Variants in AOPEP observed in about 807,000 individuals in gnomAD.
AOPEP encodes aminopeptidase O (putative).
Under a neutral mutation model 98.1 loss-of-function variants are expected in AOPEP, and 77 were observed. The ratio of observed to expected loss-of-function variants is 0.78; its 90% CI spans 0.65 to 0.95. The LOEUF is 0.95. AOPEP is among the 40% of genes least tolerant of loss of function. The pLI, the probability that AOPEP is intolerant of heterozygous loss-of-function variation, is 0.00. For missense variants in AOPEP, 1,024 were observed against 1,024.7 expected, an observed-to-expected ratio of 1.00 and a Z score of 0.01; for synonymous variants, 346 against 365.3, an observed-to-expected ratio of 0.95 and a Z score of 0.60.
intron 5 of AOPEP, among the ~76,000 whole-genome samples, chr9:94,861,216 G>C (rs1214049550): frequency 6.6e-6 from 1 of 152,210 alleles, no homozygotes; most frequent in Non-Finnish European, 1.5e-5. Context: ...TGACGAAGGG[G>C]AAGGATGTGG....
At chr9:95,132,895 GCATAGTCC>G in the AOPEP span, among the ~76,000 whole-genome samples, 4 of 152,142 alleles carry the variant, frequency 2.6e-5, no homozygotes, top group Non-Finnish European at 5.9e-5. Flanking sequence ...GACTCATTCT[GCATAGTCC>G]CAAGAGAGAG....
intron 13 of AOPEP, among the ~76,000 whole-genome samples, chr9:95,024,853 C>A (rs2063719470): frequency 6.6e-6 from 1 of 152,292 alleles, no homozygotes; most frequent in Middle Eastern, 3.4e-3. Flanking sequence ...TAATTCCAAC[C>A]ATTTCTATCA....
the AOPEP span, chr9:95,107,275 C>G: frequency 1.2e-6 from 2 of 1,612,768 alleles, no homozygotes; most frequent in South Asian, 2.2e-5. Context: ...TGGACCTGGG[C>G]AATAGTATTT....
At chr9:94,884,455 G>C (rs2047948475) in intron 5 of AOPEP, among the ~76,000 whole-genome samples, 1 of 152,114 alleles carries the variant, frequency 6.6e-6, no homozygotes, top group South Asian at 2.1e-4. Flanking sequence ...AGGCTAACTT[G>C]GCATAATCAC....
At chr9:94,846,365 C>T (rs1478449273) in intron 5 of AOPEP, among the ~76,000 whole-genome samples, 1 of 151,976 alleles carries the variant, frequency 6.6e-6, no homozygotes, top group Non-Finnish European at 1.5e-5. Flanking sequence ...CAGTGGGGGT[C>T]ACTGGTGACC....
chr9:95,127,782 T>TCGCGGCCTCCC, the AOPEP span, among the ~76,000 whole-genome samples: 1 of 152,222 alleles, frequency 6.6e-6, no homozygotes, highest in East Asian at 1.9e-4. Context: ...CCGCGCCTCC[T>TCGCGGCCTCCC]CGCGGCCTCC....
At chr9:95,142,997 C>T in the AOPEP span, among the ~76,000 whole-genome samples, 1 of 152,174 alleles carries the variant, frequency 6.6e-6, no homozygotes, top group Admixed American at 6.5e-5. Flanking sequence ...CAAGACTGCC[C>T]CCACTTCAGA....
chr9:95,046,421 T>G (rs901500070), intron 13 of AOPEP, among the ~76,000 whole-genome samples: 2 of 152,262 alleles, frequency 1.3e-5, no homozygotes, highest in African/African-American at 2.4e-5. Context: ...TTTGTAAAAC[T>G]TCTTTATTTC....
the AOPEP span, among the ~76,000 whole-genome samples, chr9:95,104,969 G>A: frequency 1.3e-5 from 2 of 152,232 alleles, no homozygotes; most frequent in South Asian, 2.1e-4. Context: ...GGCTTATTTC[G>A]CTCAGTGTAA....
intron 5 of AOPEP, chr9:94,824,172 CG>C (rs1389895036): frequency 6.6e-6 from 1 of 152,156 alleles, no homozygotes; most frequent in Non-Finnish European, 1.5e-5. Context: ...TCTCACAACA[CG>C]TTTTTTAGGA....
intron 10 of AOPEP, among the ~76,000 whole-genome samples, chr9:94,971,524 AC>A (rs1459036596): frequency 6.6e-6 from 1 of 151,818 alleles, no homozygotes; most frequent in Non-Finnish European, 1.5e-5. Flanking sequence ...CCCCACACCT[AC>A]CCCCCGGAGC....
chr9:94,794,051 T>A (rs2133520850), intron 4 of AOPEP, among the ~76,000 whole-genome samples: 1 of 152,354 alleles, frequency 6.6e-6, no homozygotes, highest in East Asian at 1.9e-4. Flanking sequence ...TGCAAAGCCC[T>A]TGGGTTAAGG....
intron 5 of AOPEP, among the ~76,000 whole-genome samples, chr9:94,884,326 A>T (rs963103569): frequency 1.3e-5 from 2 of 152,226 alleles, no homozygotes; most frequent in African/African-American, 4.8e-5. Context: ...CAAGATAGCT[A>T]TTCTACCAGC....
At chr9:94,966,464 C>T (rs1366200868) in intron 9 of AOPEP, among the ~76,000 whole-genome samples, 1 of 152,212 alleles carries the variant, frequency 6.6e-6, no homozygotes, top group African/African-American at 2.4e-5. Flanking sequence ...TGGAGTGACT[C>T]TTGTCTGTCA....
intron 7 of AOPEP, among the ~76,000 whole-genome samples, chr9:94,950,213 G>A (rs1024913125): frequency 4.6e-5 from 7 of 152,124 alleles, no homozygotes; most frequent in African/African-American, 1.7e-4. Flanking sequence ...TAATGTCTTT[G>A]CCTGTCAGAG....
the AOPEP span, among the ~76,000 whole-genome samples, chr9:95,108,311 C>T: frequency 6.6e-6 from 1 of 152,358 alleles, no homozygotes; most frequent in Admixed American, 6.5e-5. Context: ...CTCACTCTCC[C>T]CACCTCGCCC....
intron 14 of AOPEP, among the ~76,000 whole-genome samples, chr9:95,078,553 C>T (rs562283621): frequency 6.6e-6 from 1 of 152,290 alleles, no homozygotes; most frequent in South Asian, 2.1e-4. Flanking sequence ...AGCTGGCACA[C>T]GTAGGGTTTC....
chr9:94,768,046 G>A (rs1313364586), intron 2 of AOPEP, among the ~76,000 whole-genome samples: 1 of 152,196 alleles, frequency 6.6e-6, no homozygotes, highest in African/African-American at 2.4e-5. Flanking sequence ...TAATGAGAAC[G>A]TGGAGTTATA....
At chr9:94,728,251 A>G (rs1047223832) in intron 1 of AOPEP, among the ~76,000 whole-genome samples, 6 of 148,830 alleles carry the variant, frequency 4.0e-5, no homozygotes, top group East Asian at 2.0e-4. Context: ...ACACACACAC[A>G]CACACACACA....
Sources: allele counts gnomAD v4.1 joint callset (sites outside exome capture counted in the v4.1 genomes callset), GRCh38; gene constraint gnomAD v4.1.1; transcripts MANE v1.5; gene names NCBI Gene and HGNC (gene_info 2026-07-23, HGNC 2026-07-21).